Variants in MYO1D observed in about 807,000 individuals in gnomAD.
The protein encoded by MYO1D is unconventional myosin-Id.
A neutral mutation model predicts 122.0 loss-of-function variants in MYO1D; 83 were observed. That is an observed-to-expected ratio of 0.68 (90% CI 0.57 to 0.82). The LOEUF (loss-of-function observed/expected upper bound fraction) is 0.82, where lower values mean the gene tolerates loss of function less well. MYO1D is among the 40% of genes least tolerant of loss of function. The pLI is 0.00. For synonymous variants in MYO1D, 464 were observed against 446.9 expected (o/e 1.04, Z -0.48); for missense variants, 1,157 against 1,269.5 (o/e 0.91, Z 1.35).
Position 32,764,995 on chromosome 17 carries a change from A to C in MYO1D, c.918T>G (p.Thr306=), listed in dbSNP as rs755666920. The part of the protein sequence containing the change: ...VVSIIAELLS[T]KTDMVEKALL... ...GGGCTTTCTCAACCATATCTGTCTT[A>C]GTAGAGAGCAATTCTGCTATGATAG... is the stretch of plus-strand genomic sequence containing the variant. Residue 306 remains threonine (T), a synonymous_variant, in exon 8 of 22, where the codon ACT becomes ACG. Transcript: ENST00000318217. The C allele has an allele frequency of 6.2e-7, 1 of 1,614,154 alleles. No homozygotes were observed. The highest frequency in any genetic ancestry group is 1.3e-5 in the African/African-American group (1 of 75,054).
At chr17:32,691,986 T>A (rs1024785889) in intron 16 of MYO1D, among the ~76,000 whole-genome samples, 1 of 152,174 alleles carries the variant, frequency 6.6e-6, no homozygotes, top group Non-Finnish European at 1.5e-5. Context: ...GGTCTGAGTG[T>A]CCATATTTTT....
At chr17:32,691,739 A>G (rs1263361292) in intron 16 of MYO1D, among the ~76,000 whole-genome samples, 4 of 152,178 alleles carry the variant, frequency 2.6e-5, no homozygotes, top group African/African-American at 9.7e-5. Context: ...AGTTTTACAT[A>G]TATTCTTAAG....
At chr17:32,503,148 C>T (rs1409499112) in intron 21 of MYO1D, among the ~76,000 whole-genome samples, 1 of 152,214 alleles carries the variant, frequency 6.6e-6, no homozygotes, top group Non-Finnish European at 1.5e-5. Flanking sequence ...CAAACATGTT[C>T]CCTGTGCTAC....
At chr17:32,784,355 CCTT>C (rs1390393712) in intron 1 of MYO1D, among the ~76,000 whole-genome samples, 1 of 152,190 alleles carries the variant, frequency 6.6e-6, no homozygotes, top group Non-Finnish European at 1.5e-5. Flanking sequence ...GATTCCCTCT[CCTT>C]CTCCAAAAGT....
rs766064243 is a variant in MYO1D at position 32,721,098 on chromosome 17, A to G, written c.1838T>C (p.Leu613Pro). The part of the protein sequence containing the change: ...DERCRHQVEY[L>P]GLLENVRVRR... ...CACTCTCACATTTTCCAGTAGTCCA[A>G]GATATTCTACTTGGTGCCGGCAGCG... Residue 613 changes from leucine (L) to proline (P), a missense_variant, in exon 15 of 22, where the codon CTT becomes CCT. Coordinates refer to ENST00000318217, the MANE Select transcript of MYO1D (RefSeq NM_015194.3). The G allele has an allele frequency of 6.2e-7, 1 of 1,614,128 alleles. No homozygotes were observed. The highest frequency in any genetic ancestry group is 8.5e-7 in the Non-Finnish European group (1 of 1,180,010).
At position 32,780,770 on chromosome 17, in the gene MYO1D, C is replaced by A. The variant is rs1009367181; in HGVS notation, c.110G>T (p.Arg37Leu). ...ANLRLRFEKG[R>L]IYTFIGEVVV... is the part of the protein sequence containing the mutation. Reference sequence around the variant, plus strand: ...GACTTCTCCAATGAACGTATAGATGCGCCCTTTTTCAAATCTGTACAGAAG... The same window carrying A: ...GACTTCTCCAATGAACGTATAGATGAGCCCTTTTTCAAATCTGTACAGAAG... The change falls in exon 2 of 22, where the codon CGC becomes CTC. Residue 37 changes from arginine (R) to leucine (L), a missense_variant. Transcript: ENST00000318217. The A allele has an allele frequency of 6.2e-7, 1 of 1,614,086 alleles. No homozygotes were observed. Among genetic ancestry groups the A allele is most frequent in the Non-Finnish European group, 8.5e-7 (1 of 1,179,992 alleles).
intron 16 of MYO1D, among the ~76,000 whole-genome samples, chr17:32,688,287 A>G (rs1468813478): frequency 1.3e-5 from 2 of 152,228 alleles, no homozygotes; most frequent in African/African-American, 4.8e-5. Flanking sequence ...TACCTGCAAC[A>G]CACTTCACAC....
At chr17:32,842,384 G>T (rs1359850179) in intron 1 of MYO1D, among the ~76,000 whole-genome samples, 1 of 152,074 alleles carries the variant, frequency 6.6e-6, no homozygotes, top group East Asian at 1.9e-4. Flanking sequence ...AGGTGGACAG[G>T]GGTCACTTAG....
At chr17:32,738,529 CATCCAGAA>C in intron 13 of MYO1D, 144 bp from the exon 14 acceptor site, 8 of 847,334 alleles carry the variant, frequency 9.4e-6, no homozygotes, top group East Asian at 3.1e-5. Flanking sequence ...ATGATGATTC[CATCCAGAA>C]AATTATGCTA....
chr17:32,589,125 G>A (rs774862577), intron 21 of MYO1D, among the ~76,000 whole-genome samples: 3 of 152,144 alleles, frequency 2.0e-5, no homozygotes, highest in Non-Finnish European at 2.9e-5. Flanking sequence ...TTGACAAATT[G>A]GCCTGCTTTA....
At chr17:32,535,974 TG>T (rs1403266977) in intron 21 of MYO1D, among the ~76,000 whole-genome samples, 3 of 152,214 alleles carry the variant, frequency 2.0e-5, no homozygotes, top group African/African-American at 7.2e-5. Flanking sequence ...AGCTGCAGAC[TG>T]GAAGAGTGCA....
chr17:32,540,327 C>CAAAAA (rs34076937), intron 21 of MYO1D, among the ~76,000 whole-genome samples: 6 of 69,804 alleles, frequency 8.6e-5, no homozygotes, highest in African/African-American at 1.2e-4. Context: ...GAGACTATCT[C>CAAAAA]AAAAAAAAAA....
chr17:32,533,349 C>G (rs1435615007), intron 21 of MYO1D, among the ~76,000 whole-genome samples: 1 of 152,156 alleles, frequency 6.6e-6, no homozygotes, highest in Admixed American at 6.5e-5. Flanking sequence ...CTCCTTCCCA[C>G]TCCACAGCAA....
At chr17:32,759,757 T>G (rs1014257030) in intron 10 of MYO1D, 1 of 214,164 alleles carries the variant, frequency 4.7e-6, no homozygotes, top group Non-Finnish European at 9.2e-6. Context: ...AATACAAAAG[T>G]TCCCAAAGAT....
chr17:32,640,400 G>C (rs1479610239), intron 19 of MYO1D, among the ~76,000 whole-genome samples: 2 of 149,858 alleles, frequency 1.3e-5, no homozygotes, highest in Non-Finnish European at 3.0e-5. Flanking sequence ...ATGTATACAT[G>C]TGCCATGCTG....
chr17:32,838,888 G>C (rs558386909), intron 1 of MYO1D, among the ~76,000 whole-genome samples: 4 of 152,202 alleles, frequency 2.6e-5, no homozygotes, highest in South Asian at 4.2e-4. Context: ...CTTTGAAATT[G>C]TTTAGTCAAT....
At chr17:32,545,066 T>G (rs964237092) in intron 21 of MYO1D, among the ~76,000 whole-genome samples, 6 of 152,188 alleles carry the variant, frequency 3.9e-5, no homozygotes, top group African/African-American at 1.4e-4. Flanking sequence ...GAGGCATCTC[T>G]TCCCCTTACA....
chr17:32,709,311 C>A (rs2089346274), intron 16 of MYO1D, among the ~76,000 whole-genome samples: 2 of 152,068 alleles, frequency 1.3e-5, no homozygotes, highest in South Asian at 4.1e-4. Flanking sequence ...CAGAGTCTAA[C>A]TCTGAGCTTG....
intron 14 of MYO1D, chr17:32,727,492 A>G (rs1348613948): frequency 1.3e-5 from 2 of 152,198 alleles, no homozygotes; most frequent in South Asian, 2.1e-4. Context: ...TTCTGACCAT[A>G]AGTAATGTTG....
Sources: gnomAD v4.1 joint callset for allele counts (sites outside exome capture counted in the v4.1 genomes callset) on GRCh38, gnomAD v4.1.1 for gene constraint, MANE v1.5 for transcripts, NCBI Gene and HGNC (gene_info 2026-07-23, HGNC 2026-07-21) for gene names.